SCARA5: variants seen among roughly 807,000 people sequenced by gnomAD.
SCARA5 encodes the protein scavenger receptor class A, member 5 (putative).
A neutral mutation model predicts 46.3 loss-of-function variants in SCARA5; 45 were observed. The observed-to-expected ratio is 0.97, with a 90% CI of 0.76 to 1.24. The LOEUF is 1.24. SCARA5 is among the 50% of genes most tolerant of loss of function. The pLI, the probability that SCARA5 is intolerant of heterozygous loss-of-function variation, is 0.00. For missense variants in SCARA5, 680 were observed against 689.0 expected (o/e 0.99, Z 0.15); for synonymous variants, 333 against 306.5 (o/e 1.09, Z -0.90).
At chr8:27,902,406 C>T (rs1449973285) in intron 7 of SCARA5, among the ~76,000 whole-genome samples, 1 of 152,154 alleles carries the variant, frequency 6.6e-6, no homozygotes, top group Admixed American at 6.5e-5. Context: ...CCTCAGGGCC[C>T]AACCCCAGTA....
At chr8:27,968,271 G>C (rs1808399011) in intron 2 of SCARA5, among the ~76,000 whole-genome samples, 1 of 152,178 alleles carries the variant, frequency 6.6e-6, no homozygotes, top group African/African-American at 2.4e-5. Flanking sequence ...TGTTAAACCA[G>C]CTAAACAGAG....
At chr8:27,925,322 G>T (rs1163758816) in intron 3 of SCARA5, among the ~76,000 whole-genome samples, 1 of 152,276 alleles carries the variant, frequency 6.6e-6, no homozygotes, top group East Asian at 1.9e-4. Context: ...AGACGCCTCA[G>T]AAATAACACC....
intron 3 of SCARA5, among the ~76,000 whole-genome samples, chr8:27,951,873 A>G (rs2129902500): frequency 6.6e-6 from 1 of 152,300 alleles, no homozygotes. Flanking sequence ...CATGACCCAG[A>G]AGGAGGGACA....
intron 7 of SCARA5, among the ~76,000 whole-genome samples, chr8:27,887,497 C>T (rs1016635350): frequency 6.6e-6 from 1 of 152,160 alleles, no homozygotes; most frequent in Admixed American, 6.5e-5. Flanking sequence ...CACATAGCAT[C>T]ACTTGGCTGG....
intron 3 of SCARA5, among the ~76,000 whole-genome samples, chr8:27,945,519 A>C (rs1247049543): frequency 1.3e-5 from 2 of 152,226 alleles, no homozygotes; most frequent in Non-Finnish European, 2.9e-5. Flanking sequence ...TGAACCACAA[A>C]GACAACAAAC....
At chr8:27,880,979 T>C (rs1414490947) in intron 7 of SCARA5, among the ~76,000 whole-genome samples, 1 of 149,136 alleles carries the variant, frequency 6.7e-6, no homozygotes, top group Non-Finnish European at 1.5e-5. Context: ...GAAATGCAAA[T>C]CAAAACCACG....
chr8:27,879,962 C>G (rs1423502907), intron 7 of SCARA5, among the ~76,000 whole-genome samples, 196 bp from the exon 8 acceptor site: 1 of 152,180 alleles, frequency 6.6e-6, no homozygotes, highest in Non-Finnish European at 1.5e-5. Context: ...AAAAAAATAG[C>G]CTTTTTCACA....
intron 7 of SCARA5, among the ~76,000 whole-genome samples, chr8:27,897,439 T>C (rs74790953): frequency 3.3e-5 from 5 of 152,270 alleles, no homozygotes; most frequent in Non-Finnish European, 5.9e-5. Context: ...TAAAAACTTT[T>C]CTTTGTTCAA....
intron 7 of SCARA5, among the ~76,000 whole-genome samples, chr8:27,882,285 C>T (rs1299141875): frequency 1.3e-5 from 2 of 152,162 alleles, no homozygotes; most frequent in Admixed American, 6.6e-5. Flanking sequence ...TTTATTCATC[C>T]ATTCACCTAC....
intron 2 of SCARA5, among the ~76,000 whole-genome samples, chr8:27,974,375 C>T (rs1345138298): frequency 6.6e-6 from 1 of 152,072 alleles, no homozygotes; most frequent in Non-Finnish European, 1.5e-5. Context: ...TATTTCCCCC[C>T]TCCCATTTTA....
At chr8:27,985,491 T>G (rs761192489) in intron 2 of SCARA5, among the ~76,000 whole-genome samples, 8 of 152,190 alleles carry the variant, frequency 5.3e-5, no homozygotes, top group Non-Finnish European at 7.3e-5. Context: ...TTGCCCAGCA[T>G]AGTATCATAT....
At chr8:27,985,854 G>T (rs756109521) in intron 2 of SCARA5, among the ~76,000 whole-genome samples, 5 of 152,246 alleles carry the variant, frequency 3.3e-5, no homozygotes, top group Non-Finnish European at 5.9e-5. Flanking sequence ...CAGAGGAGGG[G>T]CCCAGAAGGC....
chr8:27,909,285 T>TGGCA (rs1563521146), intron 5 of SCARA5, among the ~76,000 whole-genome samples: 2 of 151,338 alleles, frequency 1.3e-5, no homozygotes, highest in Non-Finnish European at 2.9e-5. Context: ...GGCGGGAGGG[T>TGGCA]GGCAGGTAGC....
chr8:27,903,899 C>T (rs531216613), intron 7 of SCARA5, among the ~76,000 whole-genome samples: 10 of 152,286 alleles, frequency 6.6e-5, no homozygotes, highest in African/African-American at 2.4e-4. Flanking sequence ...ATTCTGCTTG[C>T]GCCCTCACGT....
chr8:27,978,344 T>C (rs912353946), intron 2 of SCARA5, among the ~76,000 whole-genome samples: 1 of 151,902 alleles, frequency 6.6e-6, no homozygotes, highest in Non-Finnish European at 1.5e-5. Flanking sequence ...TTCTTGTGTC[T>C]TTTCACCTTT....
chr8:27,946,920 C>T (rs965092630), intron 3 of SCARA5, among the ~76,000 whole-genome samples: 1 of 142,828 alleles, frequency 7.0e-6, no homozygotes, highest in African/African-American at 2.6e-5. Flanking sequence ...ATTCATGATC[C>T]CCTTAGCTTT....
intron 2 of SCARA5, among the ~76,000 whole-genome samples, chr8:27,984,862 T>A (rs1041309763): frequency 1.3e-5 from 2 of 152,146 alleles, no homozygotes; most frequent in African/African-American, 4.8e-5. Flanking sequence ...TATCCATCCA[T>A]CCATCCATCC....
intron 3 of SCARA5, among the ~76,000 whole-genome samples, chr8:27,936,806 G>GA (rs1185220125): frequency 6.6e-6 from 1 of 152,140 alleles, no homozygotes; most frequent in East Asian, 1.9e-4. Flanking sequence ...TTAAAAGGAA[G>GA]AAAAAACCCA....
intron 2 of SCARA5, among the ~76,000 whole-genome samples, chr8:27,972,169 T>A (rs1286235631): frequency 1.3e-5 from 2 of 151,802 alleles, no homozygotes; most frequent in African/African-American, 4.8e-5. Context: ...ATACAAAAAT[T>A]AGCTGGGCAT....
Sources: allele counts gnomAD v4.1 joint callset (sites outside exome capture counted in the v4.1 genomes callset), GRCh38; gene constraint gnomAD v4.1.1; transcripts MANE v1.5; gene names NCBI Gene and HGNC (gene_info 2026-07-23, HGNC 2026-07-21).